The following OSBPL6 variants were observed in gnomAD, a reference collection of about 807,000 sequenced individuals.
OSBPL6 encodes the protein oxysterol-binding protein-related protein 6.
Under a neutral mutation model 125.8 loss-of-function variants are expected in OSBPL6, and 49 were observed. That is an observed-to-expected ratio of 0.39 (90% CI 0.31 to 0.49). The LOEUF is 0.49. Ranked by LOEUF, OSBPL6 falls within the 20% of genes least tolerant of loss-of-function variation. The probability of loss-of-function intolerance (pLI) is 0.88; values close to 1 mark genes in which losing one functional copy is unlikely to be tolerated. For missense variants in OSBPL6, 986 were observed against 1,135.4 expected (o/e 0.87, Z 1.89); for synonymous variants, 394 against 391.8 (o/e 1.01, Z -0.07).
intron 1 of OSBPL6, among the ~76,000 whole-genome samples, chr2:178,238,777 G>A (rs532856908): frequency 6.6e-6 from 1 of 152,272 alleles, no homozygotes; most frequent in African/African-American, 2.4e-5. Flanking sequence ...ATGGTTTCAG[G>A]TACCCACTGG....
intron 1 of OSBPL6, among the ~76,000 whole-genome samples, chr2:178,222,968 A>G (rs1284353101): frequency 6.6e-6 from 1 of 152,158 alleles, no homozygotes; most frequent in African/African-American, 2.4e-5. Flanking sequence ...AGTGTTTCCA[A>G]GTTGGTAGCT....
intron 2 of OSBPL6, among the ~76,000 whole-genome samples, chr2:178,300,850 T>C (rs1225987256): frequency 6.6e-6 from 1 of 152,140 alleles, no homozygotes; most frequent in Non-Finnish European, 1.5e-5. Context: ...AAAAGGAGAA[T>C]TATATCTTTC....
At chr2:178,355,669 C>T (rs533721482) in intron 12 of OSBPL6, among the ~76,000 whole-genome samples, 3 of 152,308 alleles carry the variant, frequency 2.0e-5, no homozygotes, top group Admixed American at 6.5e-5. Flanking sequence ...CAAAGAGGAG[C>T]TGGTACCATT....
chr2:178,390,841 T>C (rs1449665068), intron 21 of OSBPL6, among the ~76,000 whole-genome samples: 1 of 152,230 alleles, frequency 6.6e-6, no homozygotes, highest in Non-Finnish European at 1.5e-5. Flanking sequence ...AAGCTGAGCC[T>C]TCTCTGTGAT....
At chr2:178,213,007 C>T (rs746387523) in intron 1 of OSBPL6, among the ~76,000 whole-genome samples, 6 of 152,142 alleles carry the variant, frequency 3.9e-5, no homozygotes, top group African/African-American at 7.2e-5. Flanking sequence ...CAGGGTTTCA[C>T]GGTGTTGATC....
At position 178,401,230 on chromosome 2, in the gene OSBPL6, T is replaced by G. The variant is rs1696096185; in HGVS notation, c.*5671T>G. ...TCTTGAAATGATATTTTGATGATGA[T>G]GATCAGGGAAGTAGCCTATGCTGAT... On this transcript the variant is annotated 3_prime_UTR_variant, in exon 25 of 25. Transcript: ENST00000190611. 1 of 152,248 alleles carries G rather than the reference T, an allele frequency of 6.6e-6. No individual in the cohort carries two copies. The allele number at this position is 152,248 out of a possible 1,614,324, so 9.4% of individuals were successfully genotyped here.
At chr2:178,307,553 A>G (rs1026453623) in intron 3 of OSBPL6, among the ~76,000 whole-genome samples, 1 of 148,428 alleles carries the variant, frequency 6.7e-6, no homozygotes, top group Non-Finnish European at 1.5e-5. Flanking sequence ...TATAATATTT[A>G]TTGTATTGCA....
Position 178,306,113 on chromosome 2 carries a change from C to T in OSBPL6, c.-72C>T. On this transcript the variant is annotated 5_prime_UTR_variant, in exon 3 of 25. Transcript: ENST00000190611. ...TGGAATGAAGCTGAAAAATCATCTA[C>T]TTCTTTGTTTGTGGATTTGAGAGAA... 2 of 959,040 alleles carry T rather than the reference C, an allele frequency of 2.1e-6. No individual in the cohort carries two copies. The highest frequency in any genetic ancestry group is 1.4e-5 in the South Asian group (1 of 71,598). The allele number at this position is 959,040 out of a possible 1,614,324, so 59.4% of individuals were successfully genotyped here.
chr2:178,374,100 G>T, intron 15 of OSBPL6, 73 bp downstream of exon 15: 2 of 1,494,440 alleles, frequency 1.3e-6, no homozygotes, highest in Non-Finnish European at 9.1e-7. Flanking sequence ...ATAAAACTGT[G>T]GAACTTTTTG....
intron 11 of OSBPL6, among the ~76,000 whole-genome samples, chr2:178,345,968 G>A (rs559614459): frequency 2.0e-5 from 3 of 152,252 alleles, no homozygotes; most frequent in Non-Finnish European, 2.9e-5. Context: ...CCACCTCCCA[G>A]GGTGACTATA....
chr2:178,264,801 T>G (rs2092176467), intron 1 of OSBPL6, among the ~76,000 whole-genome samples: 1 of 152,304 alleles, frequency 6.6e-6, no homozygotes, highest in Middle Eastern at 3.4e-3. Flanking sequence ...GATTTTGTAC[T>G]AATTGTTATC....
At chr2:178,317,189 G>C (rs1325320113) in intron 3 of OSBPL6, among the ~76,000 whole-genome samples, 2 of 151,256 alleles carry the variant, frequency 1.3e-5, no homozygotes, top group Non-Finnish European at 2.9e-5. Flanking sequence ...AAAATTGTCA[G>C]CAAATATTAA....
At chr2:178,240,609 C>T (rs963888306) in intron 1 of OSBPL6, among the ~76,000 whole-genome samples, 5 of 151,716 alleles carry the variant, frequency 3.3e-5, no homozygotes, top group Admixed American at 1.3e-4. Flanking sequence ...TAGAATTAGC[C>T]GGGTGTGGTG....
At chr2:178,260,489 C>G (rs1238376279) in intron 1 of OSBPL6, among the ~76,000 whole-genome samples, 1 of 152,048 alleles carries the variant, frequency 6.6e-6, no homozygotes. Flanking sequence ...GTGTTTCAGG[C>G]TCATTCTATT....
intron 11 of OSBPL6, among the ~76,000 whole-genome samples, chr2:178,346,393 A>G (rs1049627631): frequency 3.9e-5 from 6 of 152,130 alleles, no homozygotes; most frequent in African/African-American, 1.2e-4. Context: ...GTAGACTTTC[A>G]TGTCTACCGT....
intron 1 of OSBPL6, among the ~76,000 whole-genome samples, chr2:178,243,775 C>G: frequency 6.6e-6 from 1 of 152,176 alleles, no homozygotes; most frequent in Non-Finnish European, 1.5e-5. Flanking sequence ...GCCTCAGCCT[C>G]CTGAGTAGCT....
intron 2 of OSBPL6, among the ~76,000 whole-genome samples, chr2:178,288,797 C>T (rs896219109): frequency 5.3e-5 from 8 of 151,696 alleles, no homozygotes; most frequent in South Asian, 2.1e-4. Context: ...TACAGGCGCC[C>T]GCCACCACGC....
In OSBPL6 at chr2:178,373,914, C is replaced by A. The variant is rs774073371; in HGVS notation, c.1420C>A (p.Leu474Ile). Residue 474 changes from leucine to isoleucine, a missense_variant, in exon 15 of 25, where the codon CTC (leucine) becomes ATC (isoleucine). Coordinates refer to ENST00000190611, the MANE Select transcript of OSBPL6 (RefSeq NM_032523.4). ...DEAGEQIHVS[L>I]PLSQQVANES... ...GGCTGGTGAGCAAATCCATGTCAGTCTCCCCTTATCACAGCAAGTAGCCAA... is the reference window on the plus strand; with the variant it reads ...GGCTGGTGAGCAAATCCATGTCAGTATCCCCTTATCACAGCAAGTAGCCAA... The A allele has an allele frequency of 6.2e-7, 1 of 1,614,038 alleles. No homozygotes were observed. The highest frequency in any genetic ancestry group is 1.7e-5 in the Admixed American group (1 of 60,016).
chr2:178,374,115 T>G (rs1693654327), intron 15 of OSBPL6, 88 bp downstream of exon 15: 1 of 1,420,416 alleles, frequency 7.0e-7, no homozygotes, highest in Non-Finnish European at 9.6e-7. Context: ...TTTTTGGTGA[T>G]TACTTTCATT....
Sources: allele counts gnomAD v4.1 joint callset (sites outside exome capture counted in the v4.1 genomes callset), GRCh38; gene constraint gnomAD v4.1.1; transcripts MANE v1.5; gene names NCBI Gene and HGNC (gene_info 2026-07-23, HGNC 2026-07-21).